Variants in LPAR1 observed in about 807,000 individuals in gnomAD.
LPAR1 encodes LPA receptor 1.
In LPAR1, 5 loss-of-function variants were observed where a neutral mutation model predicts 23.8. The ratio of observed to expected loss-of-function variants is 0.21; its 90% confidence interval spans 0.11 to 0.44. LPAR1 has a LOEUF of 0.44. Among genes scored for constraint, LPAR1 ranks in the 20% least tolerant of loss-of-function variants. The pLI, the probability that LPAR1 is intolerant of heterozygous loss-of-function variation, is 0.99. For synonymous variants in LPAR1, 160 were observed against 164.7 expected, an observed-to-expected ratio of 0.97 and a Z score of 0.22; for missense variants, 311 against 482.8, an observed-to-expected ratio of 0.64 and a Z score of 3.33.
intron 5 of LPAR1, among the ~76,000 whole-genome samples, chr9:110,927,833 T>G (rs963117556): frequency 6.6e-6 from 1 of 152,170 alleles, no homozygotes; most frequent in Non-Finnish European, 1.5e-5. Flanking sequence ...ACAAAGATTT[T>G]AGTCGTATGA....
chr9:110,921,851 GT>G (rs1457163452), intron 5 of LPAR1, among the ~76,000 whole-genome samples: 1 of 152,228 alleles, frequency 6.6e-6, no homozygotes. Flanking sequence ...ATTAGGGCAG[GT>G]TATGATGGAC....
At chr9:110,961,069 C>CTT (rs71371698) in intron 4 of LPAR1, among the ~76,000 whole-genome samples, 49,774 of 151,414 alleles carry the variant, frequency 0.33, 9,006 homozygotes, top group Non-Finnish European at 0.4. Flanking sequence ...CATTATTGTC[C>CTT]TTTTTTTATT....
rs137945282 is a variant in LPAR1, at chr9:110,990,889, T to C, written c.-181-17331A>G. Among the ~76,000 whole-genome samples, 401 of 152,256 alleles carry C rather than the reference T, an allele frequency of 2.6e-3. 2 individuals carry two copies. Among genetic ancestry groups the C allele is most frequent in the African/African-American group, 9.0e-3 (375 of 41,570 alleles). On this transcript the variant is annotated intron_variant, in intron 2 of 5. Coordinates refer to ENST00000683809, the MANE Select transcript of LPAR1 (RefSeq NM_001351411.2). ...AATAATAAAATTGAAAGAGGGGTCA[T>C]TACTATTGTCCCTGTCAGAGACATT... is the stretch of plus-strand genomic sequence containing the variant.
At chr9:111,031,833 G>A (rs748327369) in intron 2 of LPAR1, among the ~76,000 whole-genome samples, 4 of 152,084 alleles carry the variant, frequency 2.6e-5, no homozygotes, top group Admixed American at 6.6e-5. Context: ...GGAGATTACC[G>A]GGCTCTGTGG....
chr9:111,000,175 C>A (rs933546047), intron 2 of LPAR1, among the ~76,000 whole-genome samples: 2 of 152,174 alleles, frequency 1.3e-5, no homozygotes, highest in Non-Finnish European at 2.9e-5. Flanking sequence ...CTTTCTCTTA[C>A]CCCTTTCAGA....
At chr9:110,920,066 A>G (rs1198906890) in intron 5 of LPAR1, among the ~76,000 whole-genome samples, 1 of 152,220 alleles carries the variant, frequency 6.6e-6, no homozygotes, top group Non-Finnish European at 1.5e-5. Flanking sequence ...AGATCAAAAC[A>G]CAGCCAAAGG....
intron 4 of LPAR1, among the ~76,000 whole-genome samples, chr9:110,955,042 C>T (rs1225636106): frequency 6.6e-6 from 1 of 152,044 alleles, no homozygotes; most frequent in African/African-American, 2.4e-5. Context: ...CATGAAACAA[C>T]CAAAAATCAA....
intron 2 of LPAR1, among the ~76,000 whole-genome samples, chr9:111,006,716 T>G (rs147030920): frequency 4.6e-5 from 7 of 152,172 alleles, no homozygotes; most frequent in African/African-American, 1.7e-4. Flanking sequence ...GAATTGAGTA[T>G]GAAAAATAAA....
intron 2 of LPAR1, among the ~76,000 whole-genome samples, chr9:110,985,977 T>A (rs2096772963): frequency 6.7e-6 from 1 of 148,852 alleles, no homozygotes; most frequent in African/African-American, 2.5e-5. Context: ...AGAGAAGGAA[T>A]GAGATCTACA....
At position 110,888,512 on chromosome 9, in the gene LPAR1, A is replaced by T. The variant is rs552134378; in HGVS notation, c.794-12790T>A. 7.9e-5 allele frequency among the ~76,000 whole-genome samples: 12 copies of T among 152,262 alleles called. No individual in the cohort carries two copies. The East Asian group carries it at 2.3e-3, about 29-fold the overall frequency. ...TCTTTTTGTACTTATTTTATTAGAC[A>T]ATGTAATTATTTCATTAGTTATGTG... On this transcript the variant is annotated intron_variant, in intron 5 of 5. Coordinates refer to ENST00000683809, the MANE Select transcript of LPAR1 (RefSeq NM_001351411.2).
chr9:110,939,984 T>G (rs2094977264), intron 5 of LPAR1, among the ~76,000 whole-genome samples: 1 of 152,218 alleles, frequency 6.6e-6, no homozygotes, highest in South Asian at 2.1e-4. Context: ...TTTATCCACA[T>G]CATGGAAAAT....
intron 2 of LPAR1, among the ~76,000 whole-genome samples, chr9:111,016,541 C>T (rs1316442324): frequency 6.6e-6 from 1 of 152,182 alleles, no homozygotes; most frequent in Admixed American, 6.5e-5. Context: ...AGTAAAAAGA[C>T]TCCACAAAAT....
intron 2 of LPAR1, among the ~76,000 whole-genome samples, chr9:111,015,873 A>G (rs377350421): frequency 4.4e-4 from 66 of 151,542 alleles, no homozygotes; most frequent in Non-Finnish European, 7.2e-4. Context: ...TATGGCAATG[A>G]TCTGTTTCAA....
intron 2 of LPAR1, among the ~76,000 whole-genome samples, chr9:111,034,310 T>C (rs377151670): frequency 1.0e-3 from 157 of 152,186 alleles, no homozygotes; most frequent in Non-Finnish European, 1.8e-3. Flanking sequence ...TTAAATACCA[T>C]GTATAACATA....
At chr9:110,892,863 AGG>A (rs879493777) in intron 5 of LPAR1, among the ~76,000 whole-genome samples, 8,697 of 101,310 alleles carry the variant, frequency 0.086, 1,015 homozygotes, top group Admixed American at 0.14. Context: ...GCAGGCAGGC[AGG>A]CATGCAGGCA....
At chr9:110,876,328 A>G (rs2079074663) in intron 5 of LPAR1, among the ~76,000 whole-genome samples, 2 of 152,240 alleles carry the variant, frequency 1.3e-5, no homozygotes, top group Non-Finnish European at 2.9e-5. Context: ...CTACAATAAC[A>G]ATAATAATTA....
chr9:111,031,271 T>C (rs1390949187), intron 2 of LPAR1, among the ~76,000 whole-genome samples: 1 of 151,560 alleles, frequency 6.6e-6, no homozygotes, highest in Non-Finnish European at 1.5e-5. Flanking sequence ...TCAAAATAAG[T>C]ATTAGCCAGA....
chr9:110,909,468 G>A (rs2092031617), intron 5 of LPAR1, among the ~76,000 whole-genome samples: 1 of 152,162 alleles, frequency 6.6e-6, no homozygotes, highest in Non-Finnish European at 1.5e-5. Context: ...TTCAGTAACA[G>A]TATAAGTTAC....
intron 4 of LPAR1, among the ~76,000 whole-genome samples, chr9:110,955,665 T>A (rs2095713184): frequency 1.3e-5 from 2 of 149,184 alleles, no homozygotes; most frequent in East Asian, 2.0e-4. Flanking sequence ...CATAAAAAAG[T>A]CTCAACAAAT....
Sources: allele counts gnomAD v4.1 joint callset (sites outside exome capture counted in the v4.1 genomes callset), GRCh38; gene constraint gnomAD v4.1.1; transcripts MANE v1.5; gene names NCBI Gene and HGNC (gene_info 2026-07-23, HGNC 2026-07-21).